TEX26: variants seen among roughly 807,000 people sequenced by gnomAD.
The protein encoded by TEX26 is testis-expressed protein 26.
A neutral mutation model predicts 35.3 loss-of-function variants in TEX26; 34 were observed. The observed-to-expected ratio is 0.96, with a 90% CI of 0.73 to 1.28. The LOEUF (loss-of-function observed/expected upper bound fraction) is 1.28. Among genes scored for constraint, TEX26 ranks in the 50% most tolerant of loss-of-function variants. TEX26 has a pLI of 0.00. For synonymous variants in TEX26, 136 were observed against 111.8 expected (o/e 1.22, Z -1.36); for missense variants, 371 against 330.1 (o/e 1.12, Z -0.96).
intron 1 of TEX26, among the ~76,000 whole-genome samples, chr13:30,939,126 T>G (rs998798467): frequency 2.0e-5 from 3 of 152,210 alleles, no homozygotes; most frequent in Non-Finnish European, 4.4e-5. Flanking sequence ...TGAAACCCGA[T>G]ATGTCTATGT....
At position 30,940,322 on chromosome 13, in the gene TEX26, C is replaced by CTTTTTTTTTTT. The variant is rs869246492; in HGVS notation, c.146+563_146+573dup. On this transcript the variant is annotated intron_variant, in intron 2 of 6. Coordinates refer to ENST00000380473, the MANE Select transcript of TEX26 (RefSeq NM_152325.3). ...GTGGGAGTTTCTAAACATCAGCTGC[C>CTTTTTTTTTTT]TTTTTTTTTTTTTTTTTTTTTTTTT... Among the ~76,000 whole-genome samples, 141 of 52,076 alleles carry CTTTTTTTTTTT rather than the reference C, an allele frequency of 2.7e-3. 32 individuals are homozygous for CTTTTTTTTTTT. Among genetic ancestry groups the CTTTTTTTTTTT allele is most frequent in the East Asian group, 9.2e-3 (14 of 1,514 alleles). 34.2% of individuals were successfully genotyped at this position (52,076 alleles called of 152,430 possible).
chr13:30,948,517 T>G (rs1953802393), intron 2 of TEX26, among the ~76,000 whole-genome samples: 1 of 152,238 alleles, frequency 6.6e-6, no homozygotes, highest in African/African-American at 2.4e-5. Flanking sequence ...TTCATGTGTT[T>G]TTTGGTCGCA....
At chr13:30,974,196 G>C (rs1327447663) in intron 6 of TEX26, among the ~76,000 whole-genome samples, 1 of 142,608 alleles carries the variant, frequency 7.0e-6, no homozygotes, top group Non-Finnish European at 1.5e-5. Flanking sequence ...AACCAGACAA[G>C]ACTCCTTAAT....
At chr13:30,940,935 C>T (rs1953477682) in intron 2 of TEX26, among the ~76,000 whole-genome samples, 1 of 152,062 alleles carries the variant, frequency 6.6e-6, no homozygotes, top group South Asian at 2.1e-4. Context: ...GAGGCTCTGT[C>T]TCAAAACAAA....
intron 2 of TEX26, among the ~76,000 whole-genome samples, chr13:30,941,596 G>A (rs1459049023): frequency 6.6e-6 from 1 of 152,170 alleles, no homozygotes; most frequent in African/African-American, 2.4e-5. Context: ...CGTAACTAAA[G>A]TAGTGTACAT....
intron 2 of TEX26, among the ~76,000 whole-genome samples, chr13:30,948,895 T>G (rs1171763503): frequency 6.6e-6 from 1 of 152,246 alleles, no homozygotes; most frequent in African/African-American, 2.4e-5. Context: ...AAGTCTTTAA[T>G]CCATCTTGAA....
chr13:30,950,216 A>T (rs1176871743), intron 2 of TEX26, among the ~76,000 whole-genome samples: 1 of 152,124 alleles, frequency 6.6e-6, no homozygotes, highest in East Asian at 1.9e-4. Context: ...GACCAGCCTG[A>T]CCAATATGGT....
chr13:30,972,613 A>G (rs994719392), intron 6 of TEX26, among the ~76,000 whole-genome samples: 4 of 152,090 alleles, frequency 2.6e-5, no homozygotes, highest in African/African-American at 9.7e-5. Context: ...TAATACAATC[A>G]CTTTGTTGTT....
chr13:30,936,866 C>G, intron 1 of TEX26: 1 of 985,384 alleles, frequency 1.0e-6, no homozygotes, highest in Non-Finnish European at 1.2e-6. Flanking sequence ...ATACTAGGAA[C>G]AGATTTTCAG....
intron 1 of TEX26, among the ~76,000 whole-genome samples, chr13:30,939,079 G>A (rs547207532): frequency 3.9e-5 from 6 of 152,308 alleles, no homozygotes; most frequent in African/African-American, 1.2e-4. Context: ...ACTCTGTGTC[G>A]TATGAGCCCA....
chr13:30,975,276 C>T lies in TEX26; in HGVS notation c.*369C>T, dbSNP rs59472667. 0.023 allele frequency: 3,622 copies of T among 156,332 alleles called. 132 individuals carry two copies. The highest frequency in any genetic ancestry group is 0.081 in the African/African-American group (3,367 of 41,716). The allele number at this position is 156,332 out of a possible 1,614,324, so 9.7% of individuals were successfully genotyped here. ...AAGAAATCATTTTATTGCCTTATCT[C>T]TTCTTTGAATGAATGAAAGTTTAAA... On this transcript the variant is annotated 3_prime_UTR_variant, in exon 7 of 7. Transcript: ENST00000380473.
At chr13:30,939,551 A>G in intron 1 of TEX26, 143 bp from the exon 2 acceptor site, 1 of 626,030 alleles carries the variant, frequency 1.6e-6, no homozygotes, top group Non-Finnish European at 2.8e-6. Flanking sequence ...TAGAGGCTGT[A>G]TTTTGGCCTT....
chr13:30,962,481 GGTT>G (rs1408527541), intron 4 of TEX26, among the ~76,000 whole-genome samples: 3 of 152,154 alleles, frequency 2.0e-5, no homozygotes, highest in African/African-American at 7.2e-5. Context: ...ATTTAAGTCT[GGTT>G]GTACGCCTCG....
chr13:30,938,850 C>T (rs907272273), intron 1 of TEX26, among the ~76,000 whole-genome samples: 7 of 152,196 alleles, frequency 4.6e-5, no homozygotes, highest in African/African-American at 1.7e-4. Flanking sequence ...CTCCTTCTCT[C>T]TCCAAATTCT....
chr13:30,969,978 A>T (rs1954661403), intron 6 of TEX26, among the ~76,000 whole-genome samples: 1 of 152,058 alleles, frequency 6.6e-6, no homozygotes, highest in Non-Finnish European at 1.5e-5. Context: ...TCCACTGGCC[A>T]TGTGGGATCC....
At chr13:30,959,219 A>G (rs1392266329) in intron 4 of TEX26, among the ~76,000 whole-genome samples, 1 of 152,238 alleles carries the variant, frequency 6.6e-6, no homozygotes, top group African/African-American at 2.4e-5. Context: ...TTAAATGATT[A>G]CTTACAGGCA....
At chr13:30,968,806 C>T (rs1954622963) in intron 5 of TEX26, 79 bp from the exon 6 acceptor site, 1 of 1,405,272 alleles carries the variant, frequency 7.1e-7, no homozygotes, top group African/African-American at 1.4e-5. Flanking sequence ...CTGTCAGGGT[C>T]ATTTTCAAAC....
chr13:30,967,496 T>A (rs1954579848), intron 5 of TEX26, among the ~76,000 whole-genome samples: 2 of 152,192 alleles, frequency 1.3e-5, no homozygotes, highest in African/African-American at 2.4e-5. Flanking sequence ...TTCCCATGGA[T>A]GTTAGTTAGT....
intron 2 of TEX26, among the ~76,000 whole-genome samples, chr13:30,945,883 A>G (rs2095013): frequency 0.25 from 37,987 of 151,636 alleles, 4,912 homozygotes; most frequent in East Asian, 0.44. Context: ...ATTTGTCTCA[A>G]AATTATTTCC....
Sources: gnomAD v4.1 joint callset for allele counts (sites outside exome capture counted in the v4.1 genomes callset) on GRCh38, gnomAD v4.1.1 for gene constraint, MANE v1.5 for transcripts, NCBI Gene and HGNC (gene_info 2026-07-23, HGNC 2026-07-21) for gene names.